The following SAMD5 variants were observed in gnomAD, a reference collection of about 807,000 sequenced individuals.
The protein encoded by SAMD5 is sterile alpha motif domain containing 5, also known as sterile alpha motif domain-containing protein 5.
A neutral mutation model predicts 11.3 loss-of-function variants in SAMD5; 13 were observed. The observed-to-expected ratio is 1.15, with a 90% confidence interval of 0.75 to 1.83. SAMD5 has a LOEUF of 1.83. SAMD5 is among the 40% of genes most tolerant of loss of function. SAMD5 has a pLI of 0.00. For synonymous variants in SAMD5, 129 were observed against 111.3 expected (o/e 1.16, Z -1.00); for missense variants, 255 against 239.1 (o/e 1.07, Z -0.44).
Position 147,569,477 on chromosome 6 carries a change from A to G in SAMD5, c.*5021A>G, listed in dbSNP as rs1789102183. ...AAGGAAATAAATCTACAATAAATCT[A>G]CTTTCTAAATATTATTTAAGATGGG... On this transcript the variant is annotated 3_prime_UTR_variant, in exon 2 of 2. Coordinates refer to ENST00000367474, the MANE Select transcript of SAMD5 (RefSeq NM_001030060.3). 19 of 909,278 alleles carry G rather than the reference A, an allele frequency of 2.1e-5. No homozygotes were observed. Among genetic ancestry groups the G allele is most frequent in the Non-Finnish European group, 2.5e-5 (19 of 760,528 alleles). 56.3% of individuals were successfully genotyped at this position (909,278 alleles called of 1,614,324 possible).
At chr6:147,777,229 C>G in the SAMD5 span, among the ~76,000 whole-genome samples, 1 of 151,900 alleles carries the variant, frequency 6.6e-6, no homozygotes, top group African/African-American at 2.4e-5. Context: ...CGCATCATGC[C>G]CCAATAATAC....
intron 1 of SAMD5, among the ~76,000 whole-genome samples, chr6:147,630,826 C>T (rs918891498): frequency 7.2e-5 from 11 of 152,188 alleles, no homozygotes; most frequent in African/African-American, 2.7e-4. Context: ...AATTCCTTTC[C>T]TTTTCTGGTA....
chr6:147,560,215 G>A (rs1301864423), intron 1 of SAMD5, among the ~76,000 whole-genome samples: 1 of 152,130 alleles, frequency 6.6e-6, no homozygotes, highest in Non-Finnish European at 1.5e-5. Context: ...TTACAGTGAG[G>A]CTCTCCATGC....
At chr6:147,919,464 A>G in the SAMD5 span, among the ~76,000 whole-genome samples, 23 of 152,318 alleles carry the variant, frequency 1.5e-4, no homozygotes, top group East Asian at 3.7e-3. Context: ...GTAAGCATCA[A>G]CAGGCCCCAC....
At chr6:147,649,180 C>G (rs935322851) in intron 1 of SAMD5, among the ~76,000 whole-genome samples, 1 of 152,200 alleles carries the variant, frequency 6.6e-6, no homozygotes, top group East Asian at 1.9e-4. Flanking sequence ...CCTGCATAAT[C>G]TGGCATTCTG....
the SAMD5 span, among the ~76,000 whole-genome samples, chr6:147,842,141 TA>T: frequency 6.6e-6 from 1 of 151,804 alleles, no homozygotes; most frequent in African/African-American, 2.4e-5. Flanking sequence ...ATTAAATGGT[TA>T]AAAAAACAGG....
chr6:147,782,521 A>G, the SAMD5 span, among the ~76,000 whole-genome samples: 1 of 152,200 alleles, frequency 6.6e-6, no homozygotes, highest in Non-Finnish European at 1.5e-5. Flanking sequence ...ATGACATCCT[A>G]TATGGAGATG....
the SAMD5 span, among the ~76,000 whole-genome samples, chr6:147,748,257 G>C: frequency 6.6e-6 from 1 of 152,190 alleles, no homozygotes; most frequent in South Asian, 2.1e-4. Flanking sequence ...GTATGTGTGT[G>C]GTGGAAGGGA....
At chr6:147,915,402 A>C in the SAMD5 span, among the ~76,000 whole-genome samples, 10 of 152,350 alleles carry the variant, frequency 6.6e-5, no homozygotes, top group East Asian at 1.9e-3. Context: ...ACTTATGTCC[A>C]ATTAAAATAT....
intron 1 of SAMD5, among the ~76,000 whole-genome samples, chr6:147,697,448 A>G (rs1317238821): frequency 6.6e-6 from 1 of 152,240 alleles, no homozygotes; most frequent in Non-Finnish European, 1.5e-5. Context: ...TATGTAGGCT[A>G]GTAACACATA....
chr6:147,709,190 T>G (rs2128458384), intron 1 of SAMD5, among the ~76,000 whole-genome samples: 1 of 152,346 alleles, frequency 6.6e-6, no homozygotes, highest in Middle Eastern at 3.4e-3. Flanking sequence ...GAATAATTCT[T>G]TCTAATTTGA....
the SAMD5 span, among the ~76,000 whole-genome samples, chr6:147,936,328 C>T: frequency 6.6e-6 from 1 of 151,606 alleles, no homozygotes; most frequent in African/African-American, 2.4e-5. Flanking sequence ...GCAGGTTGTA[C>T]AGGAAGCATA....
intron 1 of SAMD5, among the ~76,000 whole-genome samples, chr6:147,680,420 T>C (rs530204790): frequency 7.7e-4 from 117 of 152,236 alleles, no homozygotes; most frequent in African/African-American, 2.7e-3. Context: ...AACACATTAT[T>C]ATTCTGTAAG....
chr6:147,702,363 A>G (rs1439561186), intron 1 of SAMD5, among the ~76,000 whole-genome samples: 3 of 152,174 alleles, frequency 2.0e-5, no homozygotes, highest in African/African-American at 7.2e-5. Context: ...CAGTATGCAA[A>G]ATTTTGAAAC....
the SAMD5 span, among the ~76,000 whole-genome samples, chr6:147,917,009 A>G: frequency 6.8e-6 from 1 of 147,106 alleles, no homozygotes; most frequent in Non-Finnish European, 1.5e-5. Context: ...TAGTGCCACA[A>G]TAAACATACA....
At chr6:147,907,238 G>A in the SAMD5 span, among the ~76,000 whole-genome samples, 1 of 152,188 alleles carries the variant, frequency 6.6e-6, no homozygotes. Context: ...CTCATGCGGT[G>A]GCTCACGCCT....
the SAMD5 span, among the ~76,000 whole-genome samples, chr6:147,745,618 C>A: frequency 6.7e-3 from 1,027 of 152,180 alleles, 5 homozygotes; most frequent in Middle Eastern, 0.034. Context: ...AGGAGAGTGC[C>A]ATTCTCACAA....
At chr6:147,677,731 A>T (rs980864369) in intron 1 of SAMD5, among the ~76,000 whole-genome samples, 3 of 152,082 alleles carry the variant, frequency 2.0e-5, no homozygotes, top group Non-Finnish European at 4.4e-5. Flanking sequence ...GGACATCGGC[A>T]CTGTAAAGGG....
downstream of SAMD5, among the ~76,000 whole-genome samples, chr6:147,573,187 C>T (rs1313317811): frequency 1.3e-5 from 2 of 152,184 alleles, no homozygotes; most frequent in Non-Finnish European, 2.9e-5. Flanking sequence ...GTTCTTCACA[C>T]CTGGCTGTGT....
Sources: allele counts gnomAD v4.1 joint callset (sites outside exome capture counted in the v4.1 genomes callset), GRCh38; gene constraint gnomAD v4.1.1; transcripts MANE v1.5; gene names NCBI Gene and HGNC (gene_info 2026-07-23, HGNC 2026-07-21).